ZNF385D: variants seen among roughly 807,000 people sequenced by gnomAD.
ZNF385D encodes zinc finger protein 659.
A neutral mutation model predicts 35.8 loss-of-function variants in ZNF385D; 15 were observed. The observed-to-expected ratio is 0.42, with a 90% CI of 0.28 to 0.64. The LOEUF (loss-of-function observed/expected upper bound fraction) is 0.64, where lower values mean the gene tolerates loss of function less well. ZNF385D is among the 30% of genes least tolerant of loss of function. The probability of loss-of-function intolerance (pLI) is 0.23; values close to 1 mark genes in which losing one functional copy is unlikely to be tolerated. For synonymous variants in ZNF385D, 212 were observed against 186.8 expected, an observed-to-expected ratio of 1.13 and a Z score of -1.10; for missense variants, 474 against 494.6, an observed-to-expected ratio of 0.96 and a Z score of 0.39.
chr3:21,854,469 A>G (rs974014173), intron 3 of ZNF385D, among the ~76,000 whole-genome samples: 1 of 151,968 alleles, frequency 6.6e-6, no homozygotes, highest in African/African-American at 2.4e-5. Context: ...AACCTTGGCA[A>G]TAATATAGGC....
chr3:22,012,367 A>T (rs955273679), intron 3 of ZNF385D, among the ~76,000 whole-genome samples: 2 of 152,186 alleles, frequency 1.3e-5, no homozygotes, highest in East Asian at 3.8e-4. Flanking sequence ...CATGCTAACT[A>T]TATACCACAA....
chr3:21,453,052 G>A (rs111957654), intron 4 of ZNF385D, among the ~76,000 whole-genome samples: 2,211 of 151,854 alleles, frequency 0.015, 58 homozygotes, highest in African/African-American at 0.05. Flanking sequence ...TTAAGAGTCT[G>A]GAAGGAAACC....
chr3:22,053,102 T>C lies in ZNF385D; in HGVS notation c.325+115715A>G, dbSNP rs1191738755. On this transcript the variant is annotated intron_variant, in intron 3 of 5. Transcript: ENST00000494108. The stretch of plus-strand genomic sequence containing the variant: ...GGCGGGCGCCCCTCCCCCAGCCTCG[T>C]TGCCGCCTTGCAGTTTGATCTCAGA... Among the ~76,000 whole-genome samples the C allele has an allele frequency of 2.2e-3, 179 of 80,568 alleles. 53 individuals carry two copies. In the East Asian group the frequency reaches 0.1, roughly 46 times the overall value. The allele number at this position is 80,568 out of a possible 152,430, so 52.9% of individuals were successfully genotyped here.
At chr3:21,974,616 T>A (rs12638289) in intron 3 of ZNF385D, among the ~76,000 whole-genome samples, 1 of 151,740 alleles carries the variant, frequency 6.6e-6, no homozygotes, top group Non-Finnish European at 1.5e-5. Flanking sequence ...AAGGATACAA[T>A]CAACAAATTG....
intron 2 of ZNF385D, among the ~76,000 whole-genome samples, chr3:22,282,193 C>A (rs1701783177): frequency 6.6e-6 from 1 of 151,910 alleles, no homozygotes; most frequent in African/African-American, 2.4e-5. Context: ...TTCAAAGAAT[C>A]AGCTTTTTGT....
chr3:22,344,927 C>T (rs144183607), intron 2 of ZNF385D, among the ~76,000 whole-genome samples: 1 of 152,250 alleles, frequency 6.6e-6, no homozygotes, highest in African/African-American at 2.4e-5. Flanking sequence ...TGTAGTTGCT[C>T]AGCCCTATCC....
chr3:22,190,285 C>G, intron 2 of ZNF385D, among the ~76,000 whole-genome samples: 1 of 152,260 alleles, frequency 6.6e-6, no homozygotes, highest in East Asian at 1.9e-4. Flanking sequence ...GGTATATCCT[C>G]TGGGCTCACA....
intron 2 of ZNF385D, among the ~76,000 whole-genome samples, chr3:21,657,678 C>G (rs1390125090): frequency 2.0e-5 from 3 of 149,752 alleles, no homozygotes; most frequent in African/African-American, 7.4e-5. Flanking sequence ...TCTACCGCTT[C>G]TGTCTAAGAA....
At chr3:21,926,779 C>CA (rs1180707578) in intron 3 of ZNF385D, among the ~76,000 whole-genome samples, 1 of 152,088 alleles carries the variant, frequency 6.6e-6, no homozygotes, top group Non-Finnish European at 1.5e-5. Flanking sequence ...GCAATGGCAA[C>CA]AAAAACCAAA....
At chr3:21,479,215 C>T (rs1704444520) in intron 4 of ZNF385D, among the ~76,000 whole-genome samples, 2 of 150,250 alleles carry the variant, frequency 1.3e-5, no homozygotes, top group South Asian at 4.2e-4. Context: ...GTTCAATATT[C>T]AGGCAGGAAA....
intron 2 of ZNF385D, among the ~76,000 whole-genome samples, chr3:22,192,983 T>C (rs954472517): frequency 2.6e-5 from 4 of 152,188 alleles, no homozygotes; most frequent in African/African-American, 9.7e-5. Context: ...GTCTATTTAA[T>C]ACCAATGGCC....
At chr3:21,673,051 C>A (rs1215441404) in intron 1 of ZNF385D, among the ~76,000 whole-genome samples, 1 of 152,000 alleles carries the variant, frequency 6.6e-6, no homozygotes, top group Non-Finnish European at 1.5e-5. Context: ...AAAGATTTTG[C>A]CTGGAATATT....
rs150326526 is a variant in ZNF385D at position 21,937,162 on chromosome 3, C to G, written c.325+231655G>C. 3.6e-3 allele frequency among the ~76,000 whole-genome samples: 541 copies of G among 152,036 alleles called. 6 individuals carry two copies. Among genetic ancestry groups the G allele is most frequent in the Middle Eastern group, 0.017 (5 of 292 alleles). ...AATGTGTTCATAAAAAGTTCAAATA[C>G]TTCAATCAAAGTATAGTATGATATA... is the stretch of plus-strand genomic sequence containing the variant. On this transcript the variant is annotated intron_variant, in intron 3 of 5. Coordinates refer to the ZNF385D transcript ENST00000494108.
At chr3:21,558,499 A>G (rs1420951826) in intron 3 of ZNF385D, among the ~76,000 whole-genome samples, 1 of 152,054 alleles carries the variant, frequency 6.6e-6, no homozygotes, top group Non-Finnish European at 1.5e-5. Flanking sequence ...TTCCAATTTA[A>G]TTGCACTGTG....
chr3:21,493,246 G>T (rs960594780), intron 4 of ZNF385D, among the ~76,000 whole-genome samples: 4 of 152,040 alleles, frequency 2.6e-5, no homozygotes, highest in Admixed American at 6.6e-5. Flanking sequence ...TAGCAAATGA[G>T]AGATTTATGT....
intron 4 of ZNF385D, among the ~76,000 whole-genome samples, chr3:21,497,245 CACACAA>C (rs763351811): frequency 6.6e-6 from 1 of 152,088 alleles, no homozygotes; most frequent in Non-Finnish European, 1.5e-5. Context: ...AGTATTCCTA[CACACAA>C]ACAACATCCA....
chr3:21,756,355 A>C (rs2070339900), intron 3 of ZNF385D, among the ~76,000 whole-genome samples: 1 of 152,206 alleles, frequency 6.6e-6, no homozygotes, highest in Non-Finnish European at 1.5e-5. Flanking sequence ...ATGGAAGGAC[A>C]GAATTTCCAC....
chr3:22,358,598 C>T (rs41439045), intron 2 of ZNF385D, among the ~76,000 whole-genome samples: 3,330 of 151,728 alleles, frequency 0.022, 116 homozygotes, highest in African/African-American at 0.076. Flanking sequence ...GACAGTAATC[C>T]TTTTGAGATG....
intron 3 of ZNF385D, among the ~76,000 whole-genome samples, chr3:22,005,083 A>AAAAAAAAAAAAAC (rs1553717904): frequency 8.5e-6 from 1 of 117,312 alleles, no homozygotes; most frequent in Non-Finnish European, 1.7e-5. Flanking sequence ...AAAAAAAAAA[A>AAAAAAAAAAAAAC]AGGCAGAAAA....
Sources: gnomAD v4.1 joint callset for allele counts (sites outside exome capture counted in the v4.1 genomes callset) on GRCh38, gnomAD v4.1.1 for gene constraint, MANE v1.5 for transcripts, NCBI Gene and HGNC (gene_info 2026-07-23, HGNC 2026-07-21) for gene names.